Variants in CLIC5 observed in about 807,000 individuals in gnomAD.
The protein encoded by CLIC5 is CLIC family member 5.
CLIC5 carries 20 observed loss-of-function variants against 24.7 expected under a neutral mutation model. The ratio of observed to expected loss-of-function variants is 0.81; its 90% CI spans 0.57 to 1.18. The LOEUF (loss-of-function observed/expected upper bound fraction) is 1.18. Among genes scored for constraint, CLIC5 ranks in the 50% most tolerant of loss-of-function variants. The pLI is 0.00. For missense variants in CLIC5, 341 were observed against 326.1 expected (o/e 1.05, Z -0.35); for synonymous variants, 159 against 135.6 (o/e 1.17, Z -1.20).
chr6:46,051,363 A>G (rs1397902921), intron 1 of CLIC5, among the ~76,000 whole-genome samples: 3 of 152,230 alleles, frequency 2.0e-5, no homozygotes, highest in Admixed American at 6.5e-5. Context: ...GCCAGTTTCT[A>G]TGCATCTAAA....
chr6:45,905,397 C>T (rs1762629800), intron 5 of CLIC5, among the ~76,000 whole-genome samples: 1 of 151,544 alleles, frequency 6.6e-6, no homozygotes, highest in South Asian at 2.1e-4. Context: ...TTGACTTTTT[C>T]ACAATAGCCA....
In CLIC5 at chr6:45,902,703, G is replaced by T. The variant is rs1242497644; in HGVS notation, c.*385C>A. On this transcript the variant is annotated 3_prime_UTR_variant, in exon 6 of 6. Transcript: ENST00000339561. ...GTCCTTGGCCTTGTAGGTATGGACG[G>T]AGAGGAGGGTAGAAAAGGAGTTGGT... 4.7e-6 allele frequency: 1 copy of T among 210,594 alleles called. No homozygotes were observed. The highest frequency in any genetic ancestry group is 2.4e-5 in the African/African-American group (1 of 42,372). The allele number at this position is 210,594 out of a possible 1,614,324, so 13.0% of individuals were successfully genotyped here. A position where few individuals can be genotyped will look rare whatever the true frequency, so the allele number is the denominator to read the frequency against.
intron 1 of CLIC5, among the ~76,000 whole-genome samples, chr6:46,046,472 CTT>C (rs753176999): frequency 7.2e-5 from 11 of 152,200 alleles, no homozygotes; most frequent in Non-Finnish European, 1.2e-4. Flanking sequence ...TCAAAAGTCT[CTT>C]TAACATCAGA....
At chr6:46,113,244 G>A in the CLIC5 span, among the ~76,000 whole-genome samples, 1 of 152,110 alleles carries the variant, frequency 6.6e-6, no homozygotes, top group Non-Finnish European at 1.5e-5. Context: ...TGTAGTGTCT[G>A]AGCAAATGAG....
intron 1 of CLIC5, among the ~76,000 whole-genome samples, chr6:46,000,157 T>C (rs140379645): frequency 5.9e-5 from 9 of 152,344 alleles, no homozygotes; most frequent in African/African-American, 2.2e-4. Flanking sequence ...TGTTATGTTA[T>C]CAGTAAGGCT....
intron 1 of CLIC5, among the ~76,000 whole-genome samples, chr6:46,013,619 G>C (rs1283098362): frequency 2.0e-5 from 3 of 152,148 alleles, no homozygotes; most frequent in Admixed American, 6.5e-5. Context: ...GAATTATTTG[G>C]GGAACGCTGC....
At chr6:46,112,959 G>A in the CLIC5 span, among the ~76,000 whole-genome samples, 2 of 152,158 alleles carry the variant, frequency 1.3e-5, no homozygotes, top group Non-Finnish European at 2.9e-5. Flanking sequence ...CAGGAGGCTA[G>A]GCAGGAGAAT....
intron 6 of CLIC5, among the ~76,000 whole-genome samples, chr6:45,888,831 C>G (rs538836569): frequency 6.6e-6 from 1 of 152,316 alleles, no homozygotes; most frequent in Non-Finnish European, 1.5e-5. Context: ...CTAGCCAACA[C>G]AGATATATAA....
rs374758509 is a variant in CLIC5 at position 46,001,379 on chromosome 6, T to A, written c.63+14101A>T. Among the ~76,000 whole-genome samples, 139 of 152,296 alleles carry A rather than the reference T, an allele frequency of 9.1e-4. 5 individuals carry two copies. The South Asian group carries it at 0.027, about 30-fold the overall frequency. ...TCCCCCTTCTCTGCCTGAGCTTAGC[T>A]GGGCCTCTCCCCTCATGTTGCACAC... is the stretch of plus-strand genomic sequence containing the variant. On this transcript the variant is annotated intron_variant, in intron 1 of 5. Coordinates refer to ENST00000339561, the MANE Select transcript of CLIC5 (RefSeq NM_016929.5).
chr6:45,938,296 T>C (rs1764010645), intron 4 of CLIC5, among the ~76,000 whole-genome samples: 1 of 152,218 alleles, frequency 6.6e-6, no homozygotes. Flanking sequence ...GGAGCCATGC[T>C]GCTCTCTACA....
chr6:46,004,701 T>A (rs1766486149), intron 1 of CLIC5, among the ~76,000 whole-genome samples: 1 of 152,206 alleles, frequency 6.6e-6, no homozygotes, highest in Non-Finnish European at 1.5e-5. Context: ...GACTTCATAA[T>A]AATAATCCTG....
At chr6:46,063,090 G>A (rs957007824) in intron 1 of CLIC5, among the ~76,000 whole-genome samples, 1 of 152,118 alleles carries the variant, frequency 6.6e-6, no homozygotes, top group Non-Finnish European at 1.5e-5. Context: ...TGGAAACAAG[G>A]GTCAGAAAGG....
chr6:45,909,081 A>G (rs1762741198), intron 5 of CLIC5, among the ~76,000 whole-genome samples: 1 of 142,930 alleles, frequency 7.0e-6, no homozygotes, highest in Non-Finnish European at 1.5e-5. Context: ...GGTATGTTTT[A>G]CCTGATATGA....
intron 4 of CLIC5, among the ~76,000 whole-genome samples, chr6:45,918,077 A>G (rs185082722): frequency 5.6e-4 from 85 of 152,278 alleles, no homozygotes; most frequent in Admixed American, 5.6e-3. Flanking sequence ...TGCTCCCCAT[A>G]CAGATTTATT....
In CLIC5 at chr6:45,958,449, T is replaced by TACACACACACACACACACACACACACAC. The variant is rs1561964569; in HGVS notation, c.64-3206_64-3205insGTGTGTGTGTGTGTGTGTGTGTGTGTGT. Among the ~76,000 whole-genome samples the TACACACACACACACACACACACACACAC allele has an allele frequency of 9.1e-4, 22 of 24,248 alleles. 1 individual carries two copies. The highest frequency in any genetic ancestry group is 2.1e-3 in the Non-Finnish European group (9 of 4,390). The allele number at this position is 24,248 out of a possible 152,430, so 15.9% of individuals were successfully genotyped here. A position where few individuals can be genotyped will look rare whatever the true frequency, so the allele number is the denominator to read the frequency against. On this transcript the variant is annotated intron_variant, in intron 1 of 5. Transcript: ENST00000339561. ...ATATATATATATATATATATATATA[T>TACACACACACACACACACACACACACAC]ATATATATATATATATATATATATA...
chr6:45,910,099 A>C (rs1212360491), intron 5 of CLIC5, among the ~76,000 whole-genome samples: 1 of 152,162 alleles, frequency 6.6e-6, no homozygotes, highest in East Asian at 1.9e-4. Context: ...ACTGAGCTAT[A>C]ATCTATTCTG....
At chr6:45,925,096 A>C (rs1763427468) in intron 4 of CLIC5, among the ~76,000 whole-genome samples, 1 of 152,148 alleles carries the variant, frequency 6.6e-6, no homozygotes, top group Non-Finnish European at 1.5e-5. Flanking sequence ...TACTCTCTGG[A>C]CTTCTTGTCA....
chr6:46,128,642 G>A, the CLIC5 span, among the ~76,000 whole-genome samples: 2 of 152,206 alleles, frequency 1.3e-5, no homozygotes, highest in African/African-American at 2.4e-5. Flanking sequence ...TTTTGCAGAT[G>A]AGGAAATGAA....
intron 1 of CLIC5, among the ~76,000 whole-genome samples, chr6:46,039,262 C>T (rs1014002445): frequency 6.6e-6 from 1 of 151,734 alleles, no homozygotes; most frequent in African/African-American, 2.4e-5. Flanking sequence ...TGGTATTTAC[C>T]TTCTGGATTT....
Sources: allele counts gnomAD v4.1 joint callset (sites outside exome capture counted in the v4.1 genomes callset), GRCh38; gene constraint gnomAD v4.1.1; transcripts MANE v1.5; gene names NCBI Gene and HGNC (gene_info 2026-07-23, HGNC 2026-07-21).